The following CNOT7 variants were observed in gnomAD, a reference collection of about 807,000 sequenced individuals.
The protein encoded by CNOT7 is BTG1-binding factor 1.
In CNOT7, 4 loss-of-function variants were observed where a neutral mutation model predicts 37.1. That is an observed-to-expected ratio of 0.11 (90% CI 0.05 to 0.25). CNOT7 has a LOEUF of 0.25. Among genes scored for constraint, CNOT7 ranks in the 10% least tolerant of loss-of-function variants. The probability of loss-of-function intolerance (pLI) is 1.00; values close to 1 mark genes in which losing one functional copy is unlikely to be tolerated. For synonymous variants in CNOT7, 128 were observed against 115.6 expected (o/e 1.11, Z -0.69); for missense variants, 170 against 336.2 (o/e 0.51, Z 3.87).
chr8:17,237,169 T>A, intron 4 of CNOT7, 43 bp downstream of exon 4: 1 of 1,593,384 alleles, frequency 6.3e-7, no homozygotes, highest in East Asian at 2.2e-5. Flanking sequence ...GGAGCAAGTA[T>A]GAGATGGAAA....
chr8:17,237,427 C>G, intron 3 of CNOT7, 54 bp from the exon 4 acceptor site: 1 of 1,544,652 alleles, frequency 6.5e-7, no homozygotes, highest in Non-Finnish European at 8.9e-7. Flanking sequence ...TTCAAACAAG[C>G]TGTTCTTCTG....
chr8:17,239,669 A>C (rs1457154209), intron 3 of CNOT7, among the ~76,000 whole-genome samples: 1 of 151,572 alleles, frequency 6.6e-6, no homozygotes, highest in Non-Finnish European at 1.5e-5. Context: ...TTTTTTTTGT[A>C]TTTTTAGTAG....
At chr8:17,231,471 T>C in intron 6 of CNOT7, 1 of 956,260 alleles carries the variant, frequency 1.0e-6, no homozygotes. Flanking sequence ...TATTTACGTG[T>C]CATGAATGGA....
intron 3 of CNOT7, among the ~76,000 whole-genome samples, chr8:17,239,318 G>A (rs1489246173): frequency 6.6e-6 from 1 of 151,728 alleles, no homozygotes; most frequent in Admixed American, 6.6e-5. Context: ...CTGGCCTCCC[G>A]AAGTGCTGGG....
chr8:17,232,701 T>C lies in CNOT7; in HGVS notation c.619-164A>G, dbSNP rs550729131. ...AAACAGAGAATGTGAATTACTAATG[T>C]ATTTGTTGAATGCGGAAAAAGTATC... On this transcript the variant is annotated intron_variant, in intron 5 of 6. Coordinates refer to ENST00000361272, the MANE Select transcript of CNOT7 (RefSeq NM_013354.7). Among the ~76,000 whole-genome samples, 4 of 152,304 alleles carry C rather than the reference T, an allele frequency of 2.6e-5. No homozygotes were observed. In the East Asian group the frequency reaches 7.7e-4, roughly 29 times the overall value.
chr8:17,240,310 T>C (rs1047779164), intron 3 of CNOT7, among the ~76,000 whole-genome samples: 2 of 152,134 alleles, frequency 1.3e-5, no homozygotes, highest in African/African-American at 2.4e-5. Flanking sequence ...GCTGTGAATG[T>C]AGCCCAATAC....
chr8:17,225,633 A>G lies in CNOT7; in HGVS notation c.*5087T>C, dbSNP rs1056776351. 1.3e-5 allele frequency: 2 copies of G among 151,772 alleles called. No homozygotes were observed. Among genetic ancestry groups the G allele is most frequent in the Non-Finnish European group, 3.0e-5 (2 of 67,734 alleles). 9.4% of individuals were successfully genotyped at this position (151,772 alleles called of 1,614,324 possible). A position where few individuals can be genotyped will look rare whatever the true frequency, so the allele number is the denominator to read the frequency against. ...CTTGGAATTTTCATTCTATGGTGAC[A>G]TTTTTTTAACTTTCAAAACCTGAAA... On this transcript the variant is annotated 3_prime_UTR_variant, in exon 7 of 7. Transcript: ENST00000361272.
intron 3 of CNOT7, 34 bp from the exon 4 acceptor site, chr8:17,237,407 A>T: frequency 6.2e-7 from 1 of 1,603,544 alleles, no homozygotes; most frequent in East Asian, 2.2e-5. Context: ...ACATTCAAAC[A>T]TGCCATTACT....
At position 17,227,209 on chromosome 8, in the gene CNOT7, T is replaced by C. The variant is rs1426142649; in HGVS notation, c.*3511A>G. ...TGACCAAATAAACTTTTTTTCTGCT[T>C]CATGCATTTTTCCCAGCATCGGTTG... On this transcript the variant is annotated 3_prime_UTR_variant, in exon 7 of 7. Coordinates refer to ENST00000361272, the MANE Select transcript of CNOT7 (RefSeq NM_013354.7). 1 of 151,874 alleles carries C rather than the reference T, an allele frequency of 6.6e-6. No homozygotes were observed. Among genetic ancestry groups the C allele is most frequent in the East Asian group, 1.9e-4 (1 of 5,188 alleles). The allele number at this position is 151,874 out of a possible 1,614,324, so 9.4% of individuals were successfully genotyped here.
At chr8:17,236,907 A>G (rs1443615597) in intron 4 of CNOT7, among the ~76,000 whole-genome samples, 1 of 152,220 alleles carries the variant, frequency 6.6e-6, no homozygotes, top group African/African-American at 2.4e-5. Flanking sequence ...AAATAGTAAA[A>G]GAAAACCCTG....
rs1440380556 is a variant in CNOT7 at position 17,228,765 on chromosome 8, TATC to T, written c.*1952_*1954del. The T allele has an allele frequency of 6.6e-6, 1 of 151,966 alleles. No individual in the cohort carries two copies. The highest frequency in any genetic ancestry group is 1.5e-5 in the Non-Finnish European group (1 of 67,866). 9.4% of individuals were successfully genotyped at this position (151,966 alleles called of 1,614,324 possible). On this transcript the variant is annotated 3_prime_UTR_variant, in exon 7 of 7. Coordinates refer to ENST00000361272, the MANE Select transcript of CNOT7 (RefSeq NM_013354.7). ...ATGTGGCTAATAAAAAGGCAATCTT[TATC>T]ATTCCTATTTGAAATCCAGCATTGA...
Position 17,245,009 on chromosome 8 carries a change from G to C in CNOT7, c.117+27C>G, listed in dbSNP as rs187178007. On this transcript the variant is annotated intron_variant, in intron 2 of 6. Coordinates refer to ENST00000361272, the MANE Select transcript of CNOT7 (RefSeq NM_013354.7). ...TTCCTTTTCCTCCTTTATATGAAGCGTTTTAAAGATCTGCTTGTGGGCATA... is the reference window on the plus strand; with the variant it reads ...TTCCTTTTCCTCCTTTATATGAAGCCTTTTAAAGATCTGCTTGTGGGCATA... 8 of 1,552,486 alleles carry C rather than the reference G, an allele frequency of 5.2e-6. No individual in the cohort carries two copies. The East Asian group carries it at 1.8e-4, about 35-fold the overall frequency.
chr8:17,244,848 G>A, intron 2 of CNOT7, 188 bp downstream of exon 2: 2 of 550,750 alleles, frequency 3.6e-6, no homozygotes, highest in South Asian at 4.5e-5. Context: ...TGCAATGAGG[G>A]ATAAACCCAA....
Position 17,234,710 on chromosome 8 carries a change from C to A in CNOT7, c.618+6G>T, listed in dbSNP as rs1419393140. 3 of 1,613,760 alleles carry A rather than the reference C, an allele frequency of 1.9e-6. No individual in the cohort carries two copies. The African/African-American group carries it at 4.0e-5, about 22-fold the overall frequency. ...CTGCTGTAGATAATGCCATCCGAAG[C>A]CTTACTTTGAGATTTTTGCAGCTCT... On this transcript the variant is annotated splice_donor_region_variant and intron_variant, in intron 5 of 6. Transcript: ENST00000361272.
chr8:17,243,501 T>C lies in CNOT7; in HGVS notation c.118-316A>G, dbSNP rs532779914. 2.4e-5 allele frequency: 12 copies of C among 505,720 alleles called. No homozygotes were observed. The East Asian group carries it at 5.5e-4, about 23-fold the overall frequency. 31.3% of individuals were successfully genotyped at this position (505,720 alleles called of 1,614,324 possible). A position where few individuals can be genotyped will look rare whatever the true frequency, so the allele number is the denominator to read the frequency against. Reference sequence around the variant, plus strand: ...CCTGTCTCCCAAAGGATACATGAAATGATGCTCACAGTATTCCAATGCTAA... The same window carrying C: ...CCTGTCTCCCAAAGGATACATGAAACGATGCTCACAGTATTCCAATGCTAA... On this transcript the variant is annotated intron_variant, in intron 2 of 6. Transcript: ENST00000361272.
chr8:17,237,308 T>A lies in CNOT7; in HGVS notation c.377A>T (p.His126Leu), dbSNP rs774447300. The A allele has an allele frequency of 6.2e-7, 1 of 1,614,096 alleles. No individual in the cohort carries two copies. The highest frequency in any genetic ancestry group is 1.7e-5 in the Admixed American group (1 of 60,036). Residue 126 changes from histidine (H) to leucine (L), a missense_variant, in exon 4 of 7, where the codon CAT (histidine) becomes CTT (leucine). Transcript: ENST00000361272. Reference sequence around the variant, plus strand: ...CTGGGTTTCAATTCCTTCCTCCTCATGTTTTTTAAACTGGATACCAGATGT... The same window carrying A: ...CTGGGTTTCAATTCCTTCCTCCTCAAGTTTTTTAAACTGGATACCAGATGT... The part of the protein sequence containing the change: ...LTTSGIQFKK[H>L]EEEGIETQYF...
intron 1 of CNOT7, chr8:17,245,822 G>C (rs1440378735): frequency 6.6e-6 from 1 of 152,078 alleles, no homozygotes; most frequent in African/African-American, 2.4e-5. Flanking sequence ...GAACACAATA[G>C]AACGTCTAAA....
rs915272393 is a variant in CNOT7 at position 17,237,307 on chromosome 8, A to C, written c.378T>G (p.His126Gln). The C allele has an allele frequency of 1.9e-6, 3 of 1,614,038 alleles. No individual in the cohort carries two copies. Among genetic ancestry groups the C allele is most frequent in the South Asian group, 2.2e-5 (2 of 91,084 alleles). The change falls in exon 4 of 7, where the codon CAT becomes CAG. Residue 126 changes from histidine to glutamine, a missense_variant. Physicochemically the swap from His to Gln is conservative, Grantham distance 24. Transcript: ENST00000361272. ...LTTSGIQFKKHEEEGIETQYF... is the reference protein window; with the variant it reads ...LTTSGIQFKKQEEEGIETQYF... ...ACTGGGTTTCAATTCCTTCCTCCTCATGTTTTTTAAACTGGATACCAGATG... is the reference window on the plus strand; with the variant it reads ...ACTGGGTTTCAATTCCTTCCTCCTCCTGTTTTTTAAACTGGATACCAGATG...
chr8:17,246,732 CGGCGGTGGCGGT>C lies in CNOT7; in HGVS notation c.-165_-154del, dbSNP rs897428567. On this transcript the variant is annotated 5_prime_UTR_variant, in exon 1 of 7. Transcript: ENST00000361272. ...TCCTCGCCATAGAGACAGCACTCGG[CGGCGGTGGCGGT>C]GGCGGTGGCGGTAGCGGCGGCGGCA... 3.7e-5 allele frequency: 7 copies of C among 190,730 alleles called. No homozygotes were observed. Among genetic ancestry groups the C allele is most frequent in the Non-Finnish European group, 6.5e-5 (6 of 92,372 alleles). 11.8% of individuals were successfully genotyped at this position (190,730 alleles called of 1,614,324 possible).
Sources: gnomAD v4.1 joint callset for allele counts (sites outside exome capture counted in the v4.1 genomes callset) on GRCh38, gnomAD v4.1.1 for gene constraint, MANE v1.5 for transcripts, NCBI Gene and HGNC (gene_info 2026-07-23, HGNC 2026-07-21) for gene names.